IL20RA: variants seen among roughly 807,000 people sequenced by gnomAD.
IL20RA encodes interleukin-20 receptor subunit alpha.
Under a neutral mutation model 36.5 loss-of-function variants are expected in IL20RA, and 29 were observed. The observed-to-expected ratio is 0.79, with a 90% confidence interval of 0.59 to 1.08. IL20RA has a LOEUF of 1.08. IL20RA is among the 50% of genes least tolerant of loss of function. The pLI is 0.00. For missense variants in IL20RA, 652 were observed against 668.4 expected (o/e 0.98, Z 0.27); for synonymous variants, 279 against 267.1 (o/e 1.04, Z -0.43).
chr6:137,000,679 C>T lies in IL20RA; in HGVS notation c.*879G>A, dbSNP rs759266554. ...ATAGATATTCCAAAGAGTCTTTGAACGACTGCCTATTCGAATGTTTAATAT... is the reference window on the plus strand; with the variant it reads ...ATAGATATTCCAAAGAGTCTTTGAATGACTGCCTATTCGAATGTTTAATAT... On this transcript the variant is annotated 3_prime_UTR_variant, in exon 7 of 7. Coordinates refer to ENST00000316649, the MANE Select transcript of IL20RA (RefSeq NM_014432.4). 2 of 152,094 alleles carry T rather than the reference C, an allele frequency of 1.3e-5. No individual in the cohort carries two copies. The highest frequency in any genetic ancestry group is 4.8e-5 in the African/African-American group (2 of 41,428). The allele number at this position is 152,094 out of a possible 1,614,324, so 9.4% of individuals were successfully genotyped here. A position where few individuals can be genotyped will look rare whatever the true frequency, so the allele number is the denominator to read the frequency against.
intron 4 of IL20RA, 81 bp downstream of exon 4, chr6:137,009,236 A>C: frequency 9.1e-7 from 1 of 1,097,594 alleles, no homozygotes; most frequent in Non-Finnish European, 1.4e-6. Flanking sequence ...CATGCAGAGA[A>C]TCAATGCATC....
At chr6:137,040,818 T>C (rs1340841051) in intron 1 of IL20RA, among the ~76,000 whole-genome samples, 1 of 152,212 alleles carries the variant, frequency 6.6e-6, no homozygotes, top group Non-Finnish European at 1.5e-5. Context: ...GGTATAGTAG[T>C]TTTTGCAGTC....
intron 1 of IL20RA, among the ~76,000 whole-genome samples, chr6:137,018,129 CTT>C (rs144922427): frequency 0.011 from 1,665 of 152,220 alleles, 19 homozygotes; most frequent in Non-Finnish European, 0.018. Flanking sequence ...GCCAATCAAA[CTT>C]AGGAAATAAA....
chr6:137,006,246 G>C (rs1002705408), intron 5 of IL20RA, among the ~76,000 whole-genome samples: 16 of 152,214 alleles, frequency 1.1e-4, no homozygotes, highest in African/African-American at 3.6e-4. Flanking sequence ...GTCAACAAGA[G>C]CCGGTGGGAA....
At chr6:137,020,648 C>G (rs1775863302) in intron 1 of IL20RA, among the ~76,000 whole-genome samples, 1 of 152,034 alleles carries the variant, frequency 6.6e-6, no homozygotes, top group South Asian at 2.1e-4. Flanking sequence ...TTTTTAATAG[C>G]AAGTAAAGAT....
intron 1 of IL20RA, among the ~76,000 whole-genome samples, chr6:137,017,488 G>A (rs550023906): frequency 2.0e-5 from 3 of 152,252 alleles, no homozygotes; most frequent in South Asian, 4.2e-4. Context: ...GAGAGACCTC[G>A]TGTGAGATCA....
At chr6:137,021,762 T>C (rs1388164744) in intron 1 of IL20RA, among the ~76,000 whole-genome samples, 1 of 152,212 alleles carries the variant, frequency 6.6e-6, no homozygotes, top group Non-Finnish European at 1.5e-5. Context: ...CTTTATATGT[T>C]AAAATGTATT....
chr6:137,017,242 A>G, intron 1 of IL20RA, 139 bp from the exon 2 acceptor site: 2 of 667,194 alleles, frequency 3.0e-6, no homozygotes, highest in South Asian at 4.0e-5. Flanking sequence ...TGAAATGGAA[A>G]AGAGAATGTG....
chr6:137,002,778 C>G (rs528017190), intron 6 of IL20RA, among the ~76,000 whole-genome samples: 60 of 152,296 alleles, frequency 3.9e-4, no homozygotes, highest in South Asian at 1.2e-3. Context: ...TGTTAATAAG[C>G]TGTGGTTACC....
intron 1 of IL20RA, among the ~76,000 whole-genome samples, chr6:137,033,940 A>G (rs1341815131): frequency 6.6e-6 from 1 of 152,220 alleles, no homozygotes; most frequent in Non-Finnish European, 1.5e-5. Flanking sequence ...TGGATACTGG[A>G]CCAGGCAAGA....
chr6:137,011,261 T>C lies in IL20RA; in HGVS notation c.403+13A>G, dbSNP rs1582821859. 4 of 1,593,790 alleles carry C rather than the reference T, an allele frequency of 2.5e-6. No individual in the cohort carries two copies. The highest frequency in any genetic ancestry group is 2.2e-5 in the East Asian group (1 of 44,682). On this transcript the variant is annotated intron_variant, in intron 3 of 6. Coordinates refer to ENST00000316649, the MANE Select transcript of IL20RA (RefSeq NM_014432.4). ...CATGTTTAACTGACCATTGCAATAATGGCATTACTTACTTTCTAAAAAAGG... is the reference window on the plus strand; with the variant it reads ...CATGTTTAACTGACCATTGCAATAACGGCATTACTTACTTTCTAAAAAAGG...
chr6:137,024,721 G>A (rs112305295), intron 1 of IL20RA, among the ~76,000 whole-genome samples: 6 of 15,670 alleles, frequency 3.8e-4, no homozygotes, highest in African/African-American at 3.9e-4. Context: ...TTTTGGAACT[G>A]AGACCCCTTG....
intron 1 of IL20RA, among the ~76,000 whole-genome samples, chr6:137,032,052 C>CAAAAAAAAAAAAAAAA (rs11379045): frequency 4.8e-5 from 3 of 61,918 alleles, no homozygotes; most frequent in Admixed American, 1.7e-4. Context: ...GATTCTGTCT[C>CAAAAAAAAAAAAAAAA]AAAAAAAAAA....
chr6:137,017,314 A>G (rs1775734341), intron 1 of IL20RA, among the ~76,000 whole-genome samples: 1 of 152,204 alleles, frequency 6.6e-6, no homozygotes, highest in South Asian at 2.1e-4. Context: ...CCGAGTTGCT[A>G]TGTAAAATAA....
intron 1 of IL20RA, among the ~76,000 whole-genome samples, chr6:137,023,616 G>A (rs1775986625): frequency 6.6e-6 from 1 of 152,206 alleles, no homozygotes; most frequent in African/African-American, 2.4e-5. Flanking sequence ...GCTGTGGAGA[G>A]GGAGATGCAT....
chr6:137,039,244 G>GAGT (rs1218226299), intron 1 of IL20RA, among the ~76,000 whole-genome samples: 7 of 152,250 alleles, frequency 4.6e-5, no homozygotes, highest in African/African-American at 1.7e-4. Context: ...ATAGGAAGCT[G>GAGT]AGTAGTTCTA....
chr6:137,005,974 A>G (rs1470683883), intron 5 of IL20RA, among the ~76,000 whole-genome samples: 1 of 152,192 alleles, frequency 6.6e-6, no homozygotes, highest in Non-Finnish European at 1.5e-5. Context: ...ATGTGCATCT[A>G]TATGTATTCT....
chr6:137,002,192 T>G lies in IL20RA; in HGVS notation c.1028A>C (p.Gln343Pro). Residue 343 changes from glutamine to proline, a missense_variant, in exon 7 of 7, where the codon CAG becomes CCG. Gln to Pro is a moderately conservative substitution (Grantham distance 76). Coordinates refer to ENST00000316649, the MANE Select transcript of IL20RA (RefSeq NM_014432.4). ...SSDVSSLNDP[Q>P]PSGNLRPPQE... ...AGGGGGCCTCAGGTTCCCGCTGGGC[T>G]GAGGATCATTAAGGCTGGATACATC... The G allele has an allele frequency of 6.2e-7, 1 of 1,614,200 alleles. No individual in the cohort carries two copies. The highest frequency in any genetic ancestry group is 8.5e-7 in the Non-Finnish European group (1 of 1,180,040).
chr6:137,040,253 C>T (rs755004722), intron 1 of IL20RA, among the ~76,000 whole-genome samples: 19 of 152,036 alleles, frequency 1.2e-4, no homozygotes, highest in African/African-American at 2.7e-4. Flanking sequence ...TACAAACTCA[C>T]GGTCTTAAAT....
Sources: gnomAD v4.1 joint callset for allele counts (sites outside exome capture counted in the v4.1 genomes callset) on GRCh38, gnomAD v4.1.1 for gene constraint, MANE v1.5 for transcripts, NCBI Gene and HGNC (gene_info 2026-07-23, HGNC 2026-07-21) for gene names.